Variants in CLYBL observed in about 807,000 individuals in gnomAD.
CLYBL encodes the protein citramalyl-CoA lyase, mitochondrial.
In CLYBL, 31 loss-of-function variants were observed where a neutral mutation model predicts 38.9. That is an observed-to-expected ratio of 0.80 (90% confidence interval 0.60 to 1.08). The LOEUF is 1.08. Ranked by LOEUF, CLYBL falls within the 50% of genes least tolerant of loss-of-function variation. The pLI is 0.00. For synonymous variants in CLYBL, 171 were observed against 158.6 expected (o/e 1.08, Z -0.59); for missense variants, 434 against 411.6 (o/e 1.05, Z -0.47).
intron 1 of CLYBL, among the ~76,000 whole-genome samples, chr13:99,696,248 T>A (rs1213906903): frequency 6.6e-6 from 1 of 151,236 alleles, no homozygotes; most frequent in Non-Finnish European, 1.5e-5. Context: ...TTTTTTTTTT[T>A]AAACCGAGTC....
At chr13:99,698,269 G>T (rs974683012) in intron 1 of CLYBL, among the ~76,000 whole-genome samples, 15 of 151,900 alleles carry the variant, frequency 9.9e-5, no homozygotes, top group African/African-American at 3.6e-4. Flanking sequence ...TTGGCTCACT[G>T]CAACCTCCAC....
intron 1 of CLYBL, among the ~76,000 whole-genome samples, chr13:99,612,183 T>A (rs2046635783): frequency 6.6e-6 from 1 of 152,184 alleles, no homozygotes; most frequent in Non-Finnish European, 1.5e-5. Flanking sequence ...TCTCTGTTTT[T>A]TATTTTATCA....
chr13:99,900,177 T>C (rs202015676), downstream of CLYBL, among the ~76,000 whole-genome samples: 28 of 140,488 alleles, frequency 2.0e-4, no homozygotes, highest in East Asian at 5.8e-3. Flanking sequence ...TCCACCCGCC[T>C]CGGCCTCCCA....
rs183201552 is a variant in CLYBL, at chr13:99,770,997, G to A, written c.63-1827G>A. On this transcript the variant is annotated intron_variant, in intron 1 of 8. Coordinates refer to ENST00000339105, the MANE Select transcript of CLYBL (RefSeq NM_206808.5). ...GGCCTCCCAAAGTGCCAGGATTACAGGCGTAAGCCACCACGCGGGGCCCTT... is the reference window on the plus strand; with the variant it reads ...GGCCTCCCAAAGTGCCAGGATTACAAGCGTAAGCCACCACGCGGGGCCCTT... Among the ~76,000 whole-genome samples the A allele has an allele frequency of 1.4e-3, 212 of 147,838 alleles. 2 individuals carry two copies. The highest frequency in any genetic ancestry group is 5.1e-3 in the African/African-American group (203 of 39,986).
intron 9 of CLYBL, among the ~76,000 whole-genome samples, chr13:99,907,139 A>G (rs893573917): frequency 1.3e-5 from 2 of 152,216 alleles, no homozygotes; most frequent in Admixed American, 6.5e-5. Flanking sequence ...CTTTTCCTAT[A>G]AAGTCAAGTT....
chr13:99,817,654 CAAA>C (rs1189248896), intron 2 of CLYBL, among the ~76,000 whole-genome samples: 3 of 49,096 alleles, frequency 6.1e-5, no homozygotes, highest in African/African-American at 2.1e-4. Context: ...GACTCTGTCT[CAAA>C]AAAAAAAAAA....
At chr13:99,817,027 AATT>A (rs1204947836) in intron 2 of CLYBL, among the ~76,000 whole-genome samples, 10 of 152,142 alleles carry the variant, frequency 6.6e-5, no homozygotes, top group African/African-American at 2.4e-4. Context: ...AAGGCCATGT[AATT>A]ATGTAGGCTT....
chr13:99,798,203 G>C (rs930015430), intron 2 of CLYBL, among the ~76,000 whole-genome samples: 2 of 152,176 alleles, frequency 1.3e-5, no homozygotes, highest in Non-Finnish European at 2.9e-5. Flanking sequence ...GTTTCACTGC[G>C]CTCAAATTTT....
intron 1 of CLYBL, among the ~76,000 whole-genome samples, chr13:99,697,868 G>A (rs998964449): frequency 6.6e-6 from 1 of 151,750 alleles, no homozygotes; most frequent in African/African-American, 2.4e-5. Flanking sequence ...GGCTGGTCTC[G>A]AACTCCTGAC....
intron 1 of CLYBL, among the ~76,000 whole-genome samples, chr13:99,748,462 T>C (rs1399208839): frequency 6.9e-5 from 8 of 115,946 alleles, no homozygotes; most frequent in African/African-American, 1.1e-4. Flanking sequence ...TTTTTTGAGA[T>C]GGAGTCTCAC....
At position 99,727,101 on chromosome 13, in the gene CLYBL, G is replaced by C. The variant is rs190696773; in HGVS notation, c.63-45723G>C. 6 of 151,978 alleles carry C rather than the reference G, an allele frequency of 3.9e-5. No homozygotes were observed. In the East Asian group the frequency reaches 1.2e-3, roughly 30 times the overall value. The allele number at this position is 151,978 out of a possible 1,614,324, so 9.4% of individuals were successfully genotyped here. Reference sequence around the variant, plus strand: ...TTGAACCTGGGAGGCGGAGGTTGCAGTGAGCCGAGATAATGCCACTGCACT... The same window carrying C: ...TTGAACCTGGGAGGCGGAGGTTGCACTGAGCCGAGATAATGCCACTGCACT... On this transcript the variant is annotated intron_variant, in intron 1 of 8. Transcript: ENST00000339105.
chr13:99,726,288 C>A (rs149132750), intron 1 of CLYBL: 1 of 152,160 alleles, frequency 6.6e-6, no homozygotes, highest in Non-Finnish European at 1.5e-5. Context: ...CCATGCCAGG[C>A]TCATTGTCAT....
rs550491910 is a variant in CLYBL, at chr13:99,789,491, CAT to C, written c.249+16482_249+16483del. On this transcript the variant is annotated intron_variant, in intron 2 of 8. Transcript: ENST00000339105. ...ATTTAGGAGCAGGTTGTTCAGTTTCCATGTAGTTGAGTGGTTTTGAGTGAGTT... is the reference window on the plus strand; with the variant it reads ...ATTTAGGAGCAGGTTGTTCAGTTTCCGTAGTTGAGTGGTTTTGAGTGAGTT... Among the ~76,000 whole-genome samples the C allele has an allele frequency of 3.9e-5, 6 of 152,248 alleles. No homozygotes were observed. The South Asian group carries it at 8.3e-4, about 21-fold the overall frequency.
intron 2 of CLYBL, among the ~76,000 whole-genome samples, chr13:99,825,021 G>A (rs1000242849): frequency 4.6e-5 from 7 of 152,166 alleles, no homozygotes; most frequent in African/African-American, 1.7e-4. Flanking sequence ...AAGACACATG[G>A]AGAAGAAATG....
intron 1 of CLYBL, among the ~76,000 whole-genome samples, chr13:99,637,412 CCTGT>C (rs2047034138): frequency 6.6e-6 from 1 of 152,152 alleles, no homozygotes; most frequent in Non-Finnish European, 1.5e-5. Context: ...TTGCATATTC[CCTGT>C]CTTGCCAGTG....
intron 2 of CLYBL, among the ~76,000 whole-genome samples, chr13:99,805,833 T>C (rs963885305): frequency 1.3e-5 from 2 of 152,228 alleles, no homozygotes; most frequent in Non-Finnish European, 2.9e-5. Context: ...AGTACTGCCC[T>C]ATTTTCCTTT....
intron 1 of CLYBL, among the ~76,000 whole-genome samples, chr13:99,715,200 G>A (rs1434984118): frequency 6.6e-6 from 1 of 152,066 alleles, no homozygotes; most frequent in African/African-American, 2.4e-5. Flanking sequence ...AGGCTAGGAG[G>A]CAACTGGGGA....
rs369959271 is a variant in CLYBL, at chr13:99,688,301, T to C, written c.62+81544T>C. On this transcript the variant is annotated intron_variant, in intron 1 of 8. Transcript: ENST00000339105. Reference sequence around the variant, plus strand: ...AGGGGCCGTTTTAGGTTATTTTAGCTCTTATGCTAAAACAGTGGGGGAGCG... The same window carrying C: ...AGGGGCCGTTTTAGGTTATTTTAGCCCTTATGCTAAAACAGTGGGGGAGCG... 5.3e-5 allele frequency among the ~76,000 whole-genome samples: 8 copies of C among 152,130 alleles called. No homozygotes were observed. The East Asian group carries it at 1.3e-3, about 26-fold the overall frequency.
intron 2 of CLYBL, among the ~76,000 whole-genome samples, chr13:99,815,659 G>A (rs1486619523): frequency 6.6e-6 from 1 of 152,182 alleles, no homozygotes; most frequent in Non-Finnish European, 1.5e-5. Flanking sequence ...GCCGAGGCAG[G>A]CGGATCACTT....
Sources: gnomAD v4.1 joint callset for allele counts (sites outside exome capture counted in the v4.1 genomes callset) on GRCh38, gnomAD v4.1.1 for gene constraint, MANE v1.5 for transcripts, NCBI Gene and HGNC (gene_info 2026-07-23, HGNC 2026-07-21) for gene names.